FBRSL1: variants seen among roughly 807,000 people sequenced by gnomAD.
FBRSL1 encodes the protein fibrosin like 1.
A neutral mutation model predicts 89.6 loss-of-function variants in FBRSL1; 51 were observed. The ratio of observed to expected loss-of-function variants is 0.57; its 90% CI spans 0.45 to 0.72. FBRSL1 has a LOEUF of 0.72. FBRSL1 is among the 30% of genes least tolerant of loss of function. The pLI, the probability that FBRSL1 is intolerant of heterozygous loss-of-function variation, is 0.00. For synonymous variants in FBRSL1, 779 were observed against 681.1 expected (o/e 1.14, Z -2.24); for missense variants, 1,618 against 1,451.8 (o/e 1.11, Z -1.86).
At chr12:132,538,980 G>A (rs958215016) in intron 4 of FBRSL1, among the ~76,000 whole-genome samples, 1 of 152,090 alleles carries the variant, frequency 6.6e-6, no homozygotes, top group Non-Finnish European at 1.5e-5. Context: ...ACAGATTCCA[G>A]AGCCTGGATT....
intron 5 of FBRSL1, chr12:132,553,441 G>C (rs2038361831): frequency 1.3e-5 from 2 of 152,330 alleles, no homozygotes; most frequent in Admixed American, 6.5e-5. Flanking sequence ...GGCAGGCTGC[G>C]GGGCCCTGCT....
rs768212032 is a variant in FBRSL1 at position 132,490,645 on chromosome 12, C to T, written c.75C>T (p.Arg25=). 8.1e-6 allele frequency: 8 copies of T among 984,446 alleles called. No individual in the cohort carries two copies. Among genetic ancestry groups the T allele is most frequent in the East Asian group, 1.1e-4 (1 of 8,772 alleles). The allele number at this position is 984,446 out of a possible 1,614,324, so 61.0% of individuals were successfully genotyped here. ...GTGGCCGGCGCCGGGAGGCCGCCCG[C>T]GACGCCCGCGCCCAGAGTCCGTCGT... The part of the protein sequence containing the change: ...RDRGRRREAA[R]DARAQSPSSG... The change falls in exon 1 of 19, where the codon CGC becomes CGT. Residue 25 remains arginine (R), a synonymous_variant. Transcript: ENST00000680143.
rs1593613131 is a variant in FBRSL1, at chr12:132,582,219, G to C, written c.2154G>C (p.Leu718=). 14 of 1,550,210 alleles carry C rather than the reference G, an allele frequency of 9.0e-6. No individual in the cohort carries two copies. Among genetic ancestry groups the C allele is most frequent in the Non-Finnish European group, 1.2e-5 (14 of 1,146,884 alleles). The change falls in exon 18 of 19, where the codon CTG becomes CTC. Residue 718 remains leucine, a synonymous_variant. Coordinates refer to ENST00000680143, the MANE Select transcript of FBRSL1 (RefSeq NM_001367871.1). Reference sequence around the variant, plus strand: ...TGGACGCGGAGCGGGTGTCAGCCCTGACCAACCATGACCGAGAGCCGGACA... The same window carrying C: ...TGGACGCGGAGCGGGTGTCAGCCCTCACCAACCATGACCGAGAGCCGGACA... ...KSVDAERVSA[L]TNHDREPDNG...
chr12:132,497,490 CCT>C, intron 1 of FBRSL1, among the ~76,000 whole-genome samples: 2 of 152,216 alleles, frequency 1.3e-5, no homozygotes, highest in Middle Eastern at 6.8e-3. Flanking sequence ...CTGAGTGACC[CCT>C]GTGTCCCAGG....
At chr12:132,500,445 TGGCCTG>T (rs2032783075) in intron 1 of FBRSL1, among the ~76,000 whole-genome samples, 1 of 152,148 alleles carries the variant, frequency 6.6e-6, no homozygotes, top group Non-Finnish European at 1.5e-5. Flanking sequence ...TGCCCCTCTC[TGGCCTG>T]GGCTCATGGG....
In FBRSL1 at chr12:132,574,333, C is replaced by G; in HGVS notation, c.1614C>G (p.Tyr538Ter). 1 of 1,548,760 alleles carries G rather than the reference C, an allele frequency of 6.5e-7. No individual in the cohort carries two copies. The highest frequency in any genetic ancestry group is 8.7e-7 in the Non-Finnish European group (1 of 1,146,112). Residue 538 changes from tyrosine to a stop codon, truncating the protein, a stop_gained, in exon 13 of 19, where the codon TAC (tyrosine) becomes TAG (stop). Transcript: ENST00000680143. LOFTEE classifies it high-confidence loss of function. ...LQKAPGVSDP[Y>*]RAVVKKPGRW... ...TGTCTCCACAGGTGTCTGACCCGTA[C>G]CGGGCGGTGGTCAAGGTGAGCACGT... is the stretch of plus-strand genomic sequence containing the variant.
At chr12:132,498,968 C>G (rs2032515415) in intron 1 of FBRSL1, among the ~76,000 whole-genome samples, 1 of 152,244 alleles carries the variant, frequency 6.6e-6, no homozygotes, top group Non-Finnish European at 1.5e-5. Flanking sequence ...GCTCAGCGGG[C>G]TTCCTCTGCT....
Position 132,490,182 on chromosome 12 carries a change from C to T in FBRSL1, c.-389C>T, listed in dbSNP as rs1171986899. Reference sequence around the variant, plus strand: ...TGTTATCTGTTCGGGGCGCCGCCGCCGCCTCACGAGCCCGGTGCCCAGGAG... The same window carrying T: ...TGTTATCTGTTCGGGGCGCCGCCGCTGCCTCACGAGCCCGGTGCCCAGGAG... On this transcript the variant is annotated 5_prime_UTR_variant, in exon 1 of 19. Transcript: ENST00000680143. The T allele has an allele frequency of 7.1e-6, 1 of 140,872 alleles. No individual in the cohort carries two copies. The highest frequency in any genetic ancestry group is 2.6e-5 in the African/African-American group (1 of 38,078). 8.7% of individuals were successfully genotyped at this position (140,872 alleles called of 1,614,324 possible).
chr12:132,538,187 C>T (rs985089245), intron 4 of FBRSL1, among the ~76,000 whole-genome samples: 3 of 152,208 alleles, frequency 2.0e-5, no homozygotes, highest in Non-Finnish European at 2.9e-5. Context: ...CGGAAGGGGC[C>T]TGGGAGGGTG....
intron 15 of FBRSL1, among the ~76,000 whole-genome samples, chr12:132,578,221 C>T (rs763841826): frequency 7.2e-5 from 11 of 152,134 alleles, no homozygotes; most frequent in East Asian, 1.9e-4. Flanking sequence ...GGCGCACGCC[C>T]GTGGTCCCAG....
In FBRSL1 at chr12:132,499,374, C is replaced by CA. The variant is rs1188320397; in HGVS notation, c.291+8514dup. On this transcript the variant is annotated intron_variant, in intron 1 of 18. Coordinates refer to ENST00000680143, the MANE Select transcript of FBRSL1 (RefSeq NM_001367871.1). This position sits in a 1 kb window ranked among gnomAD's most constrained non-coding sequence, Gnocchi z 4.3. ...AGAGGCCAGGTGAGCCGCTGGCCAGCAGGGAAGGGTTCTGAGCTGTTCTGC... is the reference window on the plus strand; with the variant it reads ...AGAGGCCAGGTGAGCCGCTGGCCAGCAAGGGAAGGGTTCTGAGCTGTTCTGC... 6.6e-6 allele frequency among the ~76,000 whole-genome samples: 1 copy of CA among 152,132 alleles called. No individual in the cohort carries two copies. The highest frequency in any genetic ancestry group is 1.5e-5 in the Non-Finnish European group (1 of 68,004).
intron 2 of FBRSL1, chr12:132,509,910 C>T (rs1056293277): frequency 4.9e-6 from 6 of 1,231,252 alleles, no homozygotes; most frequent in East Asian, 3.2e-5. Context: ...CTGCCCCCGG[C>T]GGGCCTTCCT....
intron 14 of FBRSL1, among the ~76,000 whole-genome samples, chr12:132,575,800 C>T (rs183393844): frequency 1.4e-3 from 206 of 152,388 alleles, no homozygotes; most frequent in South Asian, 2.5e-3. Context: ...TCATCATGGC[C>T]AGTGAAACCA....
At chr12:132,501,012 A>G (rs1039555145) in intron 1 of FBRSL1, among the ~76,000 whole-genome samples, 7 of 152,146 alleles carry the variant, frequency 4.6e-5, no homozygotes, top group East Asian at 1.9e-4. Flanking sequence ...CTCCCCAGGG[A>G]CCATGTGGCC....
chr12:132,580,737 A>G lies in FBRSL1; in HGVS notation c.1835-702A>G, dbSNP rs1048895227. 3 of 982,632 alleles carry G rather than the reference A, an allele frequency of 3.1e-6. No homozygotes were observed. The African/African-American group carries it at 5.2e-5, about 17-fold the overall frequency. The allele number at this position is 982,632 out of a possible 1,614,324, so 60.9% of individuals were successfully genotyped here. Reference sequence around the variant, plus strand: ...GCACCCCATCTTTGAGGTCCCTAAGATTAGGGCTGGGAGGGAGTCGGAGTA... The same window carrying G: ...GCACCCCATCTTTGAGGTCCCTAAGGTTAGGGCTGGGAGGGAGTCGGAGTA... On this transcript the variant is annotated intron_variant, in intron 15 of 18. Transcript: ENST00000680143.
At chr12:132,501,845 C>T (rs141608196) in intron 1 of FBRSL1, among the ~76,000 whole-genome samples, 198 of 152,312 alleles carry the variant, frequency 1.3e-3, no homozygotes, top group African/African-American at 4.6e-3. Flanking sequence ...TGGCTCCTCT[C>T]CTTCCTTCGA....
intron 2 of FBRSL1, chr12:132,510,275 G>A: frequency 8.1e-7 from 1 of 1,230,392 alleles, no homozygotes. Flanking sequence ...GGCCTCTCCT[G>A]GGGCTCCTGT....
intron 11 of FBRSL1, 74 bp downstream of exon 11, chr12:132,572,696 C>G: frequency 9.4e-7 from 1 of 1,067,962 alleles, no homozygotes; most frequent in South Asian, 1.3e-5. Flanking sequence ...GACAACCTCG[C>G]CAAACTCTCT....
intron 1 of FBRSL1, among the ~76,000 whole-genome samples, chr12:132,500,859 T>TC (rs1164952917): frequency 6.6e-6 from 1 of 152,132 alleles, no homozygotes; most frequent in African/African-American, 2.4e-5. Flanking sequence ...TGCCGCAGTG[T>TC]CCCCCACAGC....
Sources: allele counts gnomAD v4.1 joint callset (sites outside exome capture counted in the v4.1 genomes callset), GRCh38; gene constraint gnomAD v4.1.1; non-coding constraint Gnocchi (gnomAD v3.1); transcripts MANE v1.5; gene names NCBI Gene and HGNC (gene_info 2026-07-23, HGNC 2026-07-21).